The following COL4A4 variants were observed in gnomAD, a reference collection of about 807,000 sequenced individuals.
COL4A4 encodes collagen alpha-4(IV) chain.
Under a neutral mutation model 192.9 loss-of-function variants are expected in COL4A4, and 105 were observed. That is an observed-to-expected ratio of 0.54 (90% CI 0.46 to 0.64). The LOEUF (loss-of-function observed/expected upper bound fraction) is 0.64, where lower values mean the gene tolerates loss of function less well. Among genes scored for constraint, COL4A4 ranks in the 30% least tolerant of loss-of-function variants. The pLI is 0.00. For missense variants in COL4A4, 1,967 were observed against 2,169.3 expected (o/e 0.91, Z 1.85); for synonymous variants, 762 against 769.9 (o/e 0.99, Z 0.17).
chr2:227,100,435 AT>A (rs1239017852), intron 17 of COL4A4, among the ~76,000 whole-genome samples: 10 of 148,920 alleles, frequency 6.7e-5, no homozygotes, highest in African/African-American at 1.8e-4. Flanking sequence ...TATAAAAAAT[AT>A]TTTAAAAAAA....
intron 46 of COL4A4, 146 bp downstream of exon 46, chr2:227,010,167 G>T: frequency 1.2e-6 from 1 of 829,770 alleles, no homozygotes; most frequent in Non-Finnish European, 2.0e-6. Flanking sequence ...AGGATTAGCT[G>T]AGAATGACCA....
the COL4A4 span, among the ~76,000 whole-genome samples, chr2:226,990,223 G>C: frequency 6.6e-6 from 1 of 152,132 alleles, no homozygotes; most frequent in Non-Finnish European, 1.5e-5. Context: ...GTCTTTGACG[G>C]TAAATGACTT....
At chr2:227,107,414 T>C (rs374148144) in intron 12 of COL4A4, among the ~76,000 whole-genome samples, 1 of 152,244 alleles carries the variant, frequency 6.6e-6, no homozygotes, top group East Asian at 1.9e-4. Flanking sequence ...GTCTTTCTTG[T>C]TGCTGTTGCT....
At chr2:227,070,111 T>C (rs1385966517) in intron 25 of COL4A4, among the ~76,000 whole-genome samples, 1 of 151,834 alleles carries the variant, frequency 6.6e-6, no homozygotes, top group African/African-American at 2.4e-5. Context: ...CAAAAAACAA[T>C]GAAAAAATGC....
At chr2:226,995,955 G>A in the COL4A4 span, 32,296 of 163,144 alleles carry the variant, frequency 0.2, 4,170 homozygotes, top group Middle Eastern at 0.29. Context: ...TCCTCCTGGC[G>A]CATTGCCACT....
chr2:227,032,113 T>C (rs1278544486), intron 39 of COL4A4, 35 bp downstream of exon 39: 3 of 1,613,978 alleles, frequency 1.9e-6, no homozygotes, highest in Non-Finnish European at 2.5e-6. Context: ...TTTGGTTTAG[T>C]TATTGAAAGA....
At chr2:227,054,180 G>A (rs77081681) in intron 31 of COL4A4, among the ~76,000 whole-genome samples, 1,727 of 152,230 alleles carry the variant, frequency 0.011, 30 homozygotes, top group African/African-American at 0.04. Flanking sequence ...GACTTGAGTC[G>A]TTGTGACAGA....
At chr2:227,109,549 C>G (rs779201359) in intron 9 of COL4A4, 6 of 606,028 alleles carry the variant, frequency 9.9e-6, no homozygotes, top group African/African-American at 1.9e-5. Context: ...GAGATCGAGA[C>G]CATCCTGGCC....
At chr2:227,073,716 GCA>G (rs370844989) in intron 25 of COL4A4, among the ~76,000 whole-genome samples, 7 of 152,088 alleles carry the variant, frequency 4.6e-5, no homozygotes, top group African/African-American at 1.7e-4. Context: ...CAATGGAACA[GCA>G]CAGAGAATCC....
chr2:227,156,409 A>AT (rs2064355942), intron 1 of COL4A4, among the ~76,000 whole-genome samples: 1 of 151,324 alleles, frequency 6.6e-6, no homozygotes, highest in African/African-American at 2.4e-5. Flanking sequence ...AAAAAAAAAA[A>AT]AGTGAAAACC....
At chr2:226,985,611 G>A in the COL4A4 span, among the ~76,000 whole-genome samples, 25 of 152,364 alleles carry the variant, frequency 1.6e-4, no homozygotes, top group African/African-American at 5.3e-4. Flanking sequence ...GGTTCTCAAA[G>A]GCTGATGTAC....
chr2:226,973,773 C>T, the COL4A4 span, among the ~76,000 whole-genome samples: 1 of 152,226 alleles, frequency 6.6e-6, no homozygotes, highest in South Asian at 2.1e-4. Context: ...GCCTCCTTCA[C>T]TAGCAGAAGT....
At chr2:227,089,847 C>G in intron 21 of COL4A4, 21 bp downstream of exon 21, 12 of 1,589,898 alleles carry the variant, frequency 7.5e-6, no homozygotes, top group Non-Finnish European at 1.0e-5. Flanking sequence ...TCTAGAAATT[C>G]TACCTTTGGT....
At chr2:227,086,921 A>T (rs866708103) in intron 22 of COL4A4, among the ~76,000 whole-genome samples, 5 of 152,214 alleles carry the variant, frequency 3.3e-5, no homozygotes, top group Non-Finnish European at 5.9e-5. Context: ...GGCTTTGTAC[A>T]TGTGACAAGG....
intron 1 of COL4A4, among the ~76,000 whole-genome samples, chr2:227,161,555 GA>G: frequency 6.6e-6 from 1 of 152,138 alleles, no homozygotes; most frequent in Admixed American, 6.5e-5. Context: ...CTGTTTGTTT[GA>G]CAGGTGAGCC....
intron 37 of COL4A4, among the ~76,000 whole-genome samples, chr2:227,041,754 G>A (rs1010274589): frequency 2.7e-5 from 3 of 112,338 alleles, no homozygotes; most frequent in African/African-American, 7.2e-5. Context: ...AAGGAAGGAA[G>A]GAAGGAAGGA....
chr2:227,051,151 T>C lies in COL4A4; in HGVS notation c.2976A>G (p.Lys992=), dbSNP rs1559501047. Reference sequence around the variant, plus strand: ...TTCTCCCTTGCATCCCGGGAGTTCCTTTATCACCTGATGAAGTTGGAAGTG... The same window carrying C: ...TTCTCCCTTGCATCCCGGGAGTTCCCTTATCACCTGATGAAGTTGGAAGTG... ...DDGFPGERGD[K]GTPGMQGRRG... The change falls in exon 33 of 48, where the codon AAA becomes AAG. Residue 992 remains lysine (K), a synonymous_variant. Transcript: ENST00000396625. The C allele has an allele frequency of 3.7e-6, 6 of 1,614,124 alleles. No homozygotes were observed. The highest frequency in any genetic ancestry group is 5.1e-6 in the Non-Finnish European group (6 of 1,179,952).
Position 227,103,129 on chromosome 2 carries a change from A to G in COL4A4, c.870+15T>C. 1 of 1,599,518 alleles carries G rather than the reference A, an allele frequency of 6.3e-7. No homozygotes were observed. The highest frequency in any genetic ancestry group is 1.1e-5 in the South Asian group (1 of 87,012). On this transcript the variant is annotated intron_variant, in intron 14 of 47. Transcript: ENST00000396625. ...TCACACAAATGAAAAAAAAAAAGGT[A>G]CTTAAATAAACTACCTTGCGTCCTG...
At chr2:226,986,814 G>T in the COL4A4 span, among the ~76,000 whole-genome samples, 2 of 152,236 alleles carry the variant, frequency 1.3e-5, no homozygotes, top group Admixed American at 6.5e-5. Flanking sequence ...ATTTGACTCA[G>T]CAATCCATTA....
Sources: allele counts gnomAD v4.1 joint callset (sites outside exome capture counted in the v4.1 genomes callset), GRCh38; gene constraint gnomAD v4.1.1; transcripts MANE v1.5; gene names NCBI Gene and HGNC (gene_info 2026-07-23, HGNC 2026-07-21).